The following AKR1D1 variants were observed in gnomAD, a reference collection of about 807,000 sequenced individuals.
AKR1D1 encodes the protein aldo-keto reductase family 1 member D1.
Under a neutral mutation model 42.6 loss-of-function variants are expected in AKR1D1, and 32 were observed. That is an observed-to-expected ratio of 0.75 (90% CI 0.57 to 1.01). The LOEUF is 1.01. AKR1D1 is among the 50% of genes least tolerant of loss of function. The pLI, the probability that AKR1D1 is intolerant of heterozygous loss-of-function variation, is 0.00. For synonymous variants in AKR1D1, 123 were observed against 135.5 expected (o/e 0.91, Z 0.64); for missense variants, 364 against 402.2 (o/e 0.91, Z 0.81).
chr7:138,096,402 T>C (rs990839687), intron 3 of AKR1D1, among the ~76,000 whole-genome samples: 18 of 152,162 alleles, frequency 1.2e-4, no homozygotes, highest in African/African-American at 4.3e-4. Context: ...TGTCATCACA[T>C]GCTGGAACGA....
Position 138,105,287 on chromosome 7 carries a change from T to C in AKR1D1, c.457-20T>C, listed in dbSNP as rs2117459437. 1 of 1,614,130 alleles carries C rather than the reference T, an allele frequency of 6.2e-7. No homozygotes were observed. Among genetic ancestry groups the C allele is most frequent in the Non-Finnish European group, 8.5e-7 (1 of 1,179,996 alleles). Reference sequence around the variant, plus strand: ...TTCTTGTGAGGCTTGTTTGTTGACCTGTGGACATTTACTCTACAGGCGATG... The same window carrying C: ...TTCTTGTGAGGCTTGTTTGTTGACCCGTGGACATTTACTCTACAGGCGATG... On this transcript the variant is annotated intron_variant, in intron 4 of 8. Transcript: ENST00000242375.
At chr7:138,113,616 G>A (rs1585743886) in intron 7 of AKR1D1, 74 bp from the exon 8 acceptor site, 3 of 1,231,252 alleles carry the variant, frequency 2.4e-6, no homozygotes, top group East Asian at 2.4e-5. Context: ...TCTTTGGAAG[G>A]CTCCCACCGG....
chr7:138,107,162 A>G (rs954931395), intron 6 of AKR1D1: 12 of 638,428 alleles, frequency 1.9e-5, no homozygotes, highest in African/African-American at 8.9e-5. Context: ...AGCTCTCTCT[A>G]TAAGACTCAT....
intron 1 of AKR1D1, among the ~76,000 whole-genome samples, chr7:138,085,705 C>T (rs180784415): frequency 0.011 from 1,731 of 152,196 alleles, 14 homozygotes; most frequent in Non-Finnish European, 0.019. Flanking sequence ...CCTGGGCCTC[C>T]GAAAGTGCTG....
At position 138,089,397 on chromosome 7, in the gene AKR1D1, A is replaced by G. The variant is rs188464459; in HGVS notation, c.261+629A>G. The stretch of plus-strand genomic sequence containing the variant: ...CAAATGTAATTAACTCAGACATGGT[A>G]TTCAGATTTTGTTTAATAAAAGCAA... On this transcript the variant is annotated intron_variant, in intron 2 of 8. Transcript: ENST00000242375. Among the ~76,000 whole-genome samples, 6 of 151,832 alleles carry G rather than the reference A, an allele frequency of 4.0e-5. No individual in the cohort carries two copies. In the South Asian group the frequency reaches 6.3e-4, roughly 16 times the overall value.
chr7:138,101,175 C>T (rs35807033), intron 4 of AKR1D1, among the ~76,000 whole-genome samples: 4 of 56,218 alleles, frequency 7.1e-5, no homozygotes, highest in Non-Finnish European at 9.7e-5. Flanking sequence ...CTCCCTCCCT[C>T]CCTCCCTCCC....
In AKR1D1 at chr7:138,107,565, CA is replaced by C. The variant is rs1562938039; in HGVS notation, c.843del (p.Glu282LysfsTer15). ...IPKSFNLERIKENFQIFDFSL... is the reference protein window; with the variant it reads ...IPKSFNLERIXENFQIFDFSL... ...CTAAAAGCTTTAATCTTGAAAGGAT[CA>C]AAGAAAATTTTCAGGTAAGAGAATT... On this transcript the variant is annotated frameshift_variant, in exon 7 of 9. Coordinates refer to ENST00000242375, the MANE Select transcript of AKR1D1 (RefSeq NM_005989.4). LOFTEE classifies it high-confidence loss of function. 1 of 1,613,714 alleles carries C rather than the reference CA, an allele frequency of 6.2e-7. No individual in the cohort carries two copies. The highest frequency in any genetic ancestry group is 8.5e-7 in the Non-Finnish European group (1 of 1,179,954).
chr7:138,106,806 G>C, intron 6 of AKR1D1, 89 bp downstream of exon 6: 1 of 1,006,632 alleles, frequency 9.9e-7, no homozygotes, highest in South Asian at 1.3e-5. Flanking sequence ...CTTTTGGTTT[G>C]CCTGTGCAAC....
At chr7:138,099,391 G>C (rs1042599350) in intron 4 of AKR1D1, among the ~76,000 whole-genome samples, 4 of 151,872 alleles carry the variant, frequency 2.6e-5, no homozygotes, top group South Asian at 2.1e-4. Context: ...AGAGAACCAG[G>C]AACTTCTAAA....
At position 138,091,677 on chromosome 7, in the gene AKR1D1, A is replaced by AAG. The variant is rs568836645; in HGVS notation, c.262-91_262-90insAG. 1.9e-5 allele frequency: 20 copies of AAG among 1,039,028 alleles called. No individual in the cohort carries two copies. The African/African-American group carries it at 2.4e-4, about 12-fold the overall frequency. 64.4% of individuals were successfully genotyped at this position (1,039,028 alleles called of 1,614,324 possible). The stretch of plus-strand genomic sequence containing the variant: ...AGACCCCCCATCTCAAAAAAAAAAA[A>AAG]TGTGTACGAGTGTTTTACAAAGAAA... On this transcript the variant is annotated intron_variant, in intron 2 of 8. Coordinates refer to ENST00000242375, the MANE Select transcript of AKR1D1 (RefSeq NM_005989.4).
At chr7:138,082,074 T>A (rs1260021215) in intron 1 of AKR1D1, among the ~76,000 whole-genome samples, 1 of 152,198 alleles carries the variant, frequency 6.6e-6, no homozygotes, top group Non-Finnish European at 1.5e-5. Context: ...AGCTTCTGCG[T>A]CATTTTCAAA....
intron 4 of AKR1D1, 120 bp downstream of exon 4, chr7:138,098,063 G>T: frequency 1.2e-6 from 1 of 820,386 alleles, no homozygotes; most frequent in South Asian, 1.4e-5. Flanking sequence ...GTAACAGTCA[G>T]AACAGGCATT....
rs771893098 is a variant in AKR1D1, at chr7:138,116,668, G to A, written c.*6G>A. 7.4e-6 allele frequency: 12 copies of A among 1,613,794 alleles called. No homozygotes were observed. Among genetic ancestry groups the A allele is most frequent in the Admixed American group, 3.3e-5 (2 of 59,980 alleles). On this transcript the variant is annotated 3_prime_UTR_variant, in exon 9 of 9. Transcript: ENST00000242375. The stretch of plus-strand genomic sequence containing the variant: ...CATTTCATGATGAATACTGACTGCA[G>A]GGAGTTCCTGAACAGATTTTTCACT...
At chr7:138,078,189 T>C (rs1802981546) in intron 1 of AKR1D1, among the ~76,000 whole-genome samples, 1 of 152,178 alleles carries the variant, frequency 6.6e-6, no homozygotes, top group Non-Finnish European at 1.5e-5. Flanking sequence ...CTTGAACTCC[T>C]GGGTTCAAGC....
At chr7:138,077,278 T>C (rs552375789) in intron 1 of AKR1D1, among the ~76,000 whole-genome samples, 51 of 152,238 alleles carry the variant, frequency 3.4e-4, no homozygotes, top group African/African-American at 1.2e-3. Context: ...CTCAAGAAAC[T>C]TACAATCATG....
At chr7:138,102,206 G>C (rs1169841825) in intron 4 of AKR1D1, among the ~76,000 whole-genome samples, 1 of 152,046 alleles carries the variant, frequency 6.6e-6, no homozygotes, top group East Asian at 1.9e-4. Context: ...GTGAGATTCT[G>C]TCTCAAAAAA....
intron 8 of AKR1D1, 85 bp downstream of exon 8, chr7:138,113,857 C>A: frequency 8.2e-7 from 1 of 1,223,930 alleles, no homozygotes; most frequent in Non-Finnish European, 1.2e-6. Flanking sequence ...AGAACCCTGA[C>A]CTATGTCCAT....
intron 1 of AKR1D1, among the ~76,000 whole-genome samples, chr7:138,086,628 A>C (rs968368050): frequency 6.6e-6 from 1 of 152,246 alleles, no homozygotes; most frequent in Non-Finnish European, 1.5e-5. Context: ...CCAGGACTAT[A>C]AAATCACTAG....
rs142266499 is a variant in AKR1D1 at position 138,117,034 on chromosome 7, C to G, written c.*372C>G. Reference sequence around the variant, plus strand: ...AGTTCTTTAAGGGTTAACAGGACAACGAAGTGCATGTGGCAGTGTGCTGGC... The same window carrying G: ...AGTTCTTTAAGGGTTAACAGGACAAGGAAGTGCATGTGGCAGTGTGCTGGC... On this transcript the variant is annotated 3_prime_UTR_variant, in exon 9 of 9. Coordinates refer to ENST00000242375, the MANE Select transcript of AKR1D1 (RefSeq NM_005989.4). The G allele has an allele frequency of 1.9e-5, 4 of 206,528 alleles. No individual in the cohort carries two copies. In the South Asian group the frequency reaches 3.9e-4, roughly 20 times the overall value. 12.8% of individuals were successfully genotyped at this position (206,528 alleles called of 1,614,324 possible). A position where few individuals can be genotyped will look rare whatever the true frequency, so the allele number is the denominator to read the frequency against.
Sources: allele counts gnomAD v4.1 joint callset (sites outside exome capture counted in the v4.1 genomes callset), GRCh38; gene constraint gnomAD v4.1.1; transcripts MANE v1.5; gene names NCBI Gene and HGNC (gene_info 2026-07-23, HGNC 2026-07-21).